The following OTOGL variants were observed in gnomAD, a reference collection of about 807,000 sequenced individuals.
OTOGL encodes otogelin-like protein.
In OTOGL, 285 loss-of-function variants were observed where a neutral mutation model predicts 318.5. The ratio of observed to expected loss-of-function variants is 0.89; its 90% CI spans 0.81 to 0.99. The LOEUF is 0.99. Among genes scored for constraint, OTOGL ranks in the 50% least tolerant of loss-of-function variants. The probability of loss-of-function intolerance (pLI) is 0.00; values close to 1 mark genes in which losing one functional copy is unlikely to be tolerated. For synonymous variants in OTOGL, 987 were observed against 936.5 expected (o/e 1.05, Z -0.99); for missense variants, 2,899 against 2,845.6 (o/e 1.02, Z -0.43).
At chr12:80,135,197 C>A (rs1037541211) in intron 1 of OTOGL, among the ~76,000 whole-genome samples, 1 of 148,072 alleles carries the variant, frequency 6.8e-6, no homozygotes, top group Admixed American at 6.9e-5. Context: ...TACTTATTAC[C>A]CTTTCTTGTA....
intron 1 of OTOGL, among the ~76,000 whole-genome samples, chr12:80,145,538 C>A (rs554251823): frequency 2.0e-5 from 3 of 151,504 alleles, no homozygotes; most frequent in Admixed American, 6.6e-5. Context: ...CTTGGCGATG[C>A]GGGCTCTTTT....
At chr12:80,146,016 G>T (rs1043856924) in intron 1 of OTOGL, among the ~76,000 whole-genome samples, 3 of 151,138 alleles carry the variant, frequency 2.0e-5, no homozygotes, top group Middle Eastern at 3.2e-3. Flanking sequence ...GGGACAATTT[G>T]ACTTCCTCTT....
At chr12:80,214,293 G>A (rs750094651) in intron 4 of OTOGL, among the ~76,000 whole-genome samples, 45 of 152,216 alleles carry the variant, frequency 3.0e-4, no homozygotes, top group Non-Finnish European at 8.8e-5. Context: ...AAAATATGGG[G>A]TGCATTAATG....
chr12:80,249,980 C>T (rs1029190971), intron 11 of OTOGL, among the ~76,000 whole-genome samples: 1 of 152,084 alleles, frequency 6.6e-6, no homozygotes, highest in Non-Finnish European at 1.5e-5. Context: ...CTCCCTGACC[C>T]CTTGCGCTTC....
chr12:80,249,560 C>G (rs1336002495), intron 11 of OTOGL, among the ~76,000 whole-genome samples: 2 of 151,902 alleles, frequency 1.3e-5, no homozygotes, highest in Admixed American at 1.3e-4. Flanking sequence ...AACCACTGCT[C>G]TCTTCAAAGC....
chr12:80,120,387 A>C (rs1489332834), intron 1 of OTOGL, among the ~76,000 whole-genome samples: 1 of 152,164 alleles, frequency 6.6e-6, no homozygotes. Context: ...CTTGTGAATG[A>C]CAGCATAAAG....
At chr12:80,220,796 GAGA>G (rs1878246163) in intron 6 of OTOGL, among the ~76,000 whole-genome samples, 2 of 152,002 alleles carry the variant, frequency 1.3e-5, no homozygotes, top group Non-Finnish European at 2.9e-5. Context: ...CTGCAGTCTA[GAGA>G]AGGTGATAAA....
intron 54 of OTOGL, 45 bp from the exon 55 acceptor site, chr12:80,368,160 A>G: frequency 7.4e-7 from 1 of 1,359,240 alleles, no homozygotes; most frequent in Non-Finnish European, 1.0e-6. Flanking sequence ...GTAATTCATT[A>G]AAAATATTGA....
At chr12:80,187,552 A>G (rs1345295006) in intron 1 of OTOGL, among the ~76,000 whole-genome samples, 1 of 152,236 alleles carries the variant, frequency 6.6e-6, no homozygotes, top group Non-Finnish European at 1.5e-5. Context: ...TTAATTTTAT[A>G]AAGTTATAAC....
chr12:80,227,788 CT>C (rs1226508673), intron 7 of OTOGL, among the ~76,000 whole-genome samples: 1 of 152,080 alleles, frequency 6.6e-6, no homozygotes, highest in Non-Finnish European at 1.5e-5. Flanking sequence ...TCCCATATGG[CT>C]TTCTCTCTCT....
intron 44 of OTOGL, among the ~76,000 whole-genome samples, chr12:80,344,225 T>G (rs1361951237): frequency 2.6e-5 from 4 of 152,228 alleles, no homozygotes; most frequent in Non-Finnish European, 4.4e-5. Flanking sequence ...TCTGTCTTTT[T>G]AAAGCATCAT....
chr12:80,191,018 G>A (rs891497626), intron 1 of OTOGL, among the ~76,000 whole-genome samples: 3 of 152,150 alleles, frequency 2.0e-5, no homozygotes, highest in Non-Finnish European at 4.4e-5. Context: ...GCAGAGGAGT[G>A]GGATGGGAAC....
At chr12:80,252,338 C>A in intron 13 of OTOGL, 137 bp downstream of exon 13, 2 of 967,384 alleles carry the variant, frequency 2.1e-6, no homozygotes, top group South Asian at 3.1e-5. Flanking sequence ...AGAAGTTGGT[C>A]CTTGAAGTGA....
chr12:80,352,579 C>A, intron 45 of OTOGL, 143 bp downstream of exon 45: 3 of 697,550 alleles, frequency 4.3e-6, no homozygotes, highest in Non-Finnish European at 6.6e-6. Context: ...ACACAAGTTA[C>A]ATCACTTGAT....
intron 43 of OTOGL, 118 bp downstream of exon 43, chr12:80,339,382 T>A: frequency 1.2e-6 from 1 of 837,546 alleles, no homozygotes; most frequent in Non-Finnish European, 1.8e-6. Flanking sequence ...TGAGATGTGA[T>A]ATTAACTTTC....
intron 1 of OTOGL, chr12:80,102,762 TA>T (rs1592453321): frequency 1.7e-6 from 1 of 600,916 alleles, no homozygotes; most frequent in Non-Finnish European, 2.9e-6. Flanking sequence ...AAAACTTTAA[TA>T]AAGTCCTACT....
At chr12:80,129,632 C>A (rs1381366594) in intron 1 of OTOGL, among the ~76,000 whole-genome samples, 1 of 151,104 alleles carries the variant, frequency 6.6e-6, no homozygotes, top group Admixed American at 6.6e-5. Flanking sequence ...TTTACATTTT[C>A]TTCACTTCTG....
At chr12:80,149,594 A>C (rs867843839) in intron 1 of OTOGL, among the ~76,000 whole-genome samples, 5 of 152,142 alleles carry the variant, frequency 3.3e-5, no homozygotes, top group South Asian at 2.1e-4. Context: ...GGTGGGCTCC[A>C]CCCAGTTCGA....
rs1000277825 is a variant in OTOGL, at chr12:80,253,497, C to T, written c.1317C>T (p.Ser439=). 1.2e-6 allele frequency: 2 copies of T among 1,613,238 alleles called. No individual in the cohort carries two copies. Among genetic ancestry groups the T allele is most frequent in the East Asian group, 4.5e-5 (2 of 44,854 alleles). Residue 439 remains serine, a synonymous_variant, in exon 14 of 59, where the codon TCC becomes TCT. Transcript: ENST00000547103. ...TAATGGACAATGGGACTTGCATCTC[C>T]TTGGAAAATTGCCCATGCGGTTTTC... is the stretch of plus-strand genomic sequence containing the variant. ...GLVMDNGTCI[S]LENCPCGFHG... is the part of the protein sequence containing the mutation.
Sources: gnomAD v4.1 joint callset for allele counts (sites outside exome capture counted in the v4.1 genomes callset) on GRCh38, gnomAD v4.1.1 for gene constraint, MANE v1.5 for transcripts, NCBI Gene and HGNC (gene_info 2026-07-23, HGNC 2026-07-21) for gene names.